WARS1: variants seen among roughly 807,000 people sequenced by gnomAD.
WARS1 encodes the protein tryptophan--tRNA ligase, cytoplasmic.
In WARS1, 17 loss-of-function variants were observed where a neutral mutation model predicts 47.8. That is an observed-to-expected ratio of 0.36 (90% confidence interval 0.24 to 0.53). The LOEUF (loss-of-function observed/expected upper bound fraction) is 0.53, where lower values mean the gene tolerates loss of function less well. WARS1 is among the 20% of genes least tolerant of loss of function. WARS1 has a pLI of 0.91. For missense variants in WARS1, 434 were observed against 608.0 expected, an observed-to-expected ratio of 0.71 and a Z score of 3.01; for synonymous variants, 208 against 228.1, an observed-to-expected ratio of 0.91 and a Z score of 0.79.
chr14:100,356,434 G>A (rs1333110224), intron 4 of WARS1, among the ~76,000 whole-genome samples: 2 of 150,100 alleles, frequency 1.3e-5, no homozygotes, highest in African/African-American at 2.4e-5. Context: ...AGACTCAAAC[G>A]GCCAAAATCA....
intron 2 of WARS1, among the ~76,000 whole-genome samples, chr14:100,364,382 C>G (rs1471414058): frequency 1.3e-5 from 2 of 152,206 alleles, no homozygotes; most frequent in African/African-American, 4.8e-5. Context: ...TTTAGATACA[C>G]TGGAGCAGAA....
In WARS1 at chr14:100,354,938, C is replaced by T. The variant is rs562871572; in HGVS notation, c.423-372G>A. Among the ~76,000 whole-genome samples the T allele has an allele frequency of 1.3e-4, 20 of 152,288 alleles. 1 individual carries two copies. In the South Asian group the frequency reaches 3.1e-3, roughly 24 times the overall value. On this transcript the variant is annotated intron_variant, in intron 4 of 10. Coordinates refer to ENST00000392882, the MANE Select transcript of WARS1 (RefSeq NM_004184.4). ...ATCCTTGCTCAGAATCACCCAGCCC[C>T]GAGGACTCTCAGACCAATACCAGGC...
At chr14:100,344,660 T>C (rs1315299374) in intron 7 of WARS1, among the ~76,000 whole-genome samples, 3 of 139,322 alleles carry the variant, frequency 2.2e-5, no homozygotes, top group African/African-American at 5.6e-5. Context: ...CCGGCCGCCA[T>C]CCCATCTAGG....
intron 2 of WARS1, among the ~76,000 whole-genome samples, chr14:100,364,795 C>G (rs557718019): frequency 6.6e-6 from 1 of 152,134 alleles, no homozygotes; most frequent in Admixed American, 6.5e-5. Context: ...ACAAAAATAC[C>G]ACTGTCAACT....
Position 100,334,879 on chromosome 14 carries a change from T to C in WARS1, c.1412A>G (p.Gln471Arg), listed in dbSNP as rs745465377. The change falls in exon 11 of 11, where the codon CAG (glutamine) becomes CGG (arginine). Residue 471 changes from glutamine to arginine, a missense_variant. This residue lies in a region of WARS1 where 347 missense variants were observed against 523.8 expected (regional missense o/e 0.66). Transcript: ENST00000392882. ...TAAGCATATGTAAAACGAGTGCTAC[T>C]GAAAGTCGAAGGACAGCTTCCGGGG... Reference protein sequence around the residue: ...MTPRKLSFDFQ With the variant: ...MTPRKLSFDFR 1 of 1,613,910 alleles carries C rather than the reference T, an allele frequency of 6.2e-7. No individual in the cohort carries two copies. Among genetic ancestry groups the C allele is most frequent in the Non-Finnish European group, 8.5e-7 (1 of 1,179,824 alleles).
intron 2 of WARS1, among the ~76,000 whole-genome samples, chr14:100,365,254 T>A (rs189762902): frequency 6.8e-6 from 1 of 147,508 alleles, no homozygotes; most frequent in South Asian, 2.4e-4. Context: ...AGCAAGGTGT[T>A]TGAAAAGATA....
chr14:100,372,554 CT>C (rs2140102101), intron 1 of WARS1, among the ~76,000 whole-genome samples: 2 of 152,282 alleles, frequency 1.3e-5, no homozygotes, highest in East Asian at 3.9e-4. Flanking sequence ...CTAGAGAGAA[CT>C]CTCAGGCTCT....
At chr14:100,362,260 T>C in intron 2 of WARS1, among the ~76,000 whole-genome samples, 1 of 152,236 alleles carries the variant, frequency 6.6e-6, no homozygotes, top group South Asian at 2.1e-4. Context: ...ATGCTAAAGA[T>C]TTCTCAAACA....
chr14:100,350,809 GCCCA>G (rs1380145466), intron 6 of WARS1, among the ~76,000 whole-genome samples: 1 of 152,184 alleles, frequency 6.6e-6, no homozygotes, highest in Non-Finnish European at 1.5e-5. Context: ...CAGAGGTAAG[GCCCA>G]GCCTGATGGA....
chr14:100,339,545 T>C (rs1238558687), intron 9 of WARS1, among the ~76,000 whole-genome samples: 6 of 139,418 alleles, frequency 4.3e-5, no homozygotes, highest in South Asian at 4.5e-4. Flanking sequence ...GAGCCGAGAT[T>C]GTGCCACTGC....
chr14:100,351,925 G>C (rs1053185403), intron 6 of WARS1, among the ~76,000 whole-genome samples: 9 of 151,550 alleles, frequency 5.9e-5, no homozygotes, highest in Non-Finnish European at 1.0e-4. Context: ...CCTGAGAGGC[G>C]GAGCTTGCAG....
chr14:100,347,426 C>A (rs1894695392), intron 6 of WARS1, among the ~76,000 whole-genome samples: 1 of 152,192 alleles, frequency 6.6e-6, no homozygotes, highest in African/African-American at 2.4e-5. Flanking sequence ...GCCACAGTGG[C>A]TGATTCAAGC....
At chr14:100,371,755 A>C (rs756134394) in intron 1 of WARS1, among the ~76,000 whole-genome samples, 9 of 151,964 alleles carry the variant, frequency 5.9e-5, no homozygotes, top group Non-Finnish European at 1.3e-4. Flanking sequence ...AAATTCCAAA[A>C]AGTATGTAAA....
Position 100,334,596 on chromosome 14 carries a change from CTG to C in WARS1, c.*277_*278del. On this transcript the variant is annotated 3_prime_UTR_variant, in exon 11 of 11. Coordinates refer to ENST00000392882, the MANE Select transcript of WARS1 (RefSeq NM_004184.4). ...CATGGACTTCCAGCCAAAGGCTCCACTGTGGGGCTGCTTTGGGGAGAGACTCA... is the reference window on the plus strand; with the variant it reads ...CATGGACTTCCAGCCAAAGGCTCCACTGGGGCTGCTTTGGGGAGAGACTCA... The C allele has an allele frequency of 6.4e-6, 2 of 311,926 alleles. No individual in the cohort carries two copies. The highest frequency in any genetic ancestry group is 9.0e-5 in the South Asian group (2 of 22,134). 19.3% of individuals were successfully genotyped at this position (311,926 alleles called of 1,614,324 possible). A position where few individuals can be genotyped will look rare whatever the true frequency, so the allele number is the denominator to read the frequency against.
In WARS1 at chr14:100,360,673, A is replaced by C. The variant is rs760586508; in HGVS notation, c.314-11T>G. The stretch of plus-strand genomic sequence containing the variant: ...TACTTCCAAACCGAACTGGAAAAAA[A>C]GAAAAGATGACTTTCTTAGGTGGCA... On this transcript the variant is annotated splice_polypyrimidine_tract_variant and intron_variant, in intron 3 of 10. Transcript: ENST00000392882. 12 of 1,602,364 alleles carry C rather than the reference A, an allele frequency of 7.5e-6. No individual in the cohort carries two copies. In the East Asian group the frequency reaches 2.2e-4, roughly 30 times the overall value.
intron 9 of WARS1, among the ~76,000 whole-genome samples, chr14:100,340,855 A>G (rs1043466639): frequency 3.3e-5 from 5 of 151,554 alleles, no homozygotes; most frequent in Non-Finnish European, 5.9e-5. Context: ...CGAGGGCTCT[A>G]CTGGTCCCTA....
intron 4 of WARS1, among the ~76,000 whole-genome samples, chr14:100,356,569 G>A (rs1195360979): frequency 6.6e-6 from 1 of 151,996 alleles, no homozygotes; most frequent in African/African-American, 2.4e-5. Flanking sequence ...CAAATTCCTA[G>A]AAACAAACTA....
intron 2 of WARS1, among the ~76,000 whole-genome samples, chr14:100,365,124 T>C (rs373413198): frequency 9.4e-5 from 13 of 137,844 alleles, no homozygotes; most frequent in South Asian, 4.8e-4. Context: ...TCTCAAAAAA[T>C]ACACACACAC....
In WARS1 at chr14:100,354,558, T is replaced by C; in HGVS notation, c.431A>G (p.Asn144Ser). Residue 144 changes from asparagine to serine, a missense_variant, in exon 5 of 11, where the codon AAT (asparagine) becomes AGT (serine). By Grantham distance (46) the Asn-to-Ser change is conservative. Coordinates refer to ENST00000392882, the MANE Select transcript of WARS1 (RefSeq NM_004184.4). ...ATTTTCATAGGCATCAAGAACCTGATTCATATCTCTAAAGGAAAAAGGAGA... is the reference window on the plus strand; with the variant it reads ...ATTTTCATAGGCATCAAGAACCTGACTCATATCTCTAAAGGAAAAAGGAGA... ...RGIFFSHRDM[N>S]QVLDAYENKK... 1 of 1,611,212 alleles carries C rather than the reference T, an allele frequency of 6.2e-7. No homozygotes were observed. Among genetic ancestry groups the C allele is most frequent in the Non-Finnish European group, 8.5e-7 (1 of 1,179,062 alleles).
Sources: allele counts gnomAD v4.1 joint callset (sites outside exome capture counted in the v4.1 genomes callset), GRCh38; gene constraint gnomAD v4.1.1; regional missense constraint gnomAD v4.1.1; transcripts MANE v1.5; gene names NCBI Gene and HGNC (gene_info 2026-07-23, HGNC 2026-07-21).